The following LYPD5 variants were observed in gnomAD, a reference collection of about 807,000 sequenced individuals.
The protein encoded by LYPD5 is ly6/PLAUR domain-containing protein 5.
In LYPD5, 21 loss-of-function variants were observed where a neutral mutation model predicts 19.1. That is an observed-to-expected ratio of 1.10 (90% CI 0.78 to 1.58). LYPD5 has a LOEUF of 1.58. Among genes scored for constraint, LYPD5 ranks in the 40% most tolerant of loss-of-function variants. The probability of loss-of-function intolerance (pLI) is 0.00; values close to 1 mark genes in which losing one functional copy is unlikely to be tolerated. For missense variants in LYPD5, 287 were observed against 329.8 expected (o/e 0.87, Z 1.00); for synonymous variants, 128 against 142.7 (o/e 0.90, Z 0.74).
At chr19:43,815,798 C>T (rs1040709215) in intron 1 of LYPD5, 8 of 380,702 alleles carry the variant, frequency 2.1e-5, no homozygotes, top group Admixed American at 6.7e-5. Flanking sequence ...AGTGCAGTGG[C>T]GCGATCTCAG....
upstream of LYPD5, among the ~76,000 whole-genome samples, chr19:43,806,683 CA>C (rs749412826): frequency 2.6e-5 from 4 of 151,868 alleles, no homozygotes; most frequent in African/African-American, 9.7e-5. Context: ...CAAAACAAAA[CA>C]AAACAAACCC....
upstream of LYPD5, among the ~76,000 whole-genome samples, chr19:43,804,117 C>T (rs10401518): frequency 0.034 from 5,241 of 152,210 alleles, 112 homozygotes; most frequent in East Asian, 0.058. Context: ...GGATTACAGA[C>T]GTGAGCCACT....
chr19:43,815,691 G>T, intron 1 of LYPD5: 1 of 287,190 alleles, frequency 3.5e-6, no homozygotes, highest in Non-Finnish European at 6.7e-6. Flanking sequence ...AATCATATAT[G>T]TTATATATAA....
rs759693708 is a variant in LYPD5, at chr19:43,798,837, A to T, written c.345T>A (p.His115Gln). 6.2e-7 allele frequency: 1 copy of T among 1,610,644 alleles called. No individual in the cohort carries two copies. The highest frequency in any genetic ancestry group is 8.5e-7 in the Non-Finnish European group (1 of 1,178,670). ...TDKCNAHLMTHDALPNLSQAP... is the reference protein window; with the variant it reads ...TDKCNAHLMTQDALPNLSQAP... ...CTTGGCTCAGGTTGGGGAGGGCGTCATGAGTCATGAGGTGGGCGTTGCATT... is the reference window on the plus strand; with the variant it reads ...CTTGGCTCAGGTTGGGGAGGGCGTCTTGAGTCATGAGGTGGGCGTTGCATT... The change falls in exon 3 of 5, where the codon CAT (histidine) becomes CAA (glutamine). Residue 115 changes from histidine to glutamine, a missense_variant. Coordinates refer to ENST00000377950, the MANE Select transcript of LYPD5 (RefSeq NM_001031749.3).
chr19:43,815,319 A>G (rs1599698970), intron 1 of LYPD5, among the ~76,000 whole-genome samples: 1 of 152,138 alleles, frequency 6.6e-6, no homozygotes, highest in South Asian at 2.1e-4. Flanking sequence ...AGCCTGGGCA[A>G]TATAGTGAGA....
chr19:43,798,696 C>T (rs908889193), intron 3 of LYPD5, 95 bp from the exon 4 acceptor site: 3 of 1,583,290 alleles, frequency 1.9e-6, no homozygotes, highest in Admixed American at 1.8e-5. Context: ...TAGCACGTCT[C>T]GGGGGTTGGG....
chr19:43,799,689 C>G lies in LYPD5; in HGVS notation c.193+17G>C. The G allele has an allele frequency of 3.1e-6, 5 of 1,608,520 alleles. No individual in the cohort carries two copies. The highest frequency in any genetic ancestry group is 1.1e-5 in the South Asian group (1 of 89,600). ...TCCCTAATCTCTCATCCCTGTCCCC[C>G]GGCTCCCGCTCCTTACCGGTGTCCA... On this transcript the variant is annotated intron_variant, in intron 2 of 4. Coordinates refer to ENST00000377950, the MANE Select transcript of LYPD5 (RefSeq NM_001031749.3).
chr19:43,796,925 G>A lies in LYPD5; in HGVS notation c.*666C>T, dbSNP rs182612398. Reference sequence around the variant, plus strand: ...AGGTGAGAAAATATTGGCACAGAGAGCTCAAGTAACTCACCCACAGTCTCT... The same window carrying A: ...AGGTGAGAAAATATTGGCACAGAGAACTCAAGTAACTCACCCACAGTCTCT... On this transcript the variant is annotated 3_prime_UTR_variant, in exon 5 of 5. Coordinates refer to ENST00000377950, the MANE Select transcript of LYPD5 (RefSeq NM_001031749.3). 1.3e-5 allele frequency: 2 copies of A among 152,360 alleles called. No individual in the cohort carries two copies. 9.4% of individuals were successfully genotyped at this position (152,360 alleles called of 1,614,324 possible). A position where few individuals can be genotyped will look rare whatever the true frequency, so the allele number is the denominator to read the frequency against.
upstream of LYPD5, among the ~76,000 whole-genome samples, chr19:43,806,692 C>A (rs1055847839): frequency 7.0e-6 from 1 of 143,696 alleles, no homozygotes; most frequent in South Asian, 2.1e-4. Context: ...ACAAAACAAA[C>A]CCAACAAGCT....
chr19:43,809,452 C>T (rs1970300751), intron 1 of LYPD5, among the ~76,000 whole-genome samples: 1 of 152,106 alleles, frequency 6.6e-6, no homozygotes, highest in Non-Finnish European at 1.5e-5. Context: ...GAAATCTTGG[C>T]TCACTGCAAC....
chr19:43,813,947 C>A (rs1970348072), intron 1 of LYPD5, among the ~76,000 whole-genome samples: 1 of 152,192 alleles, frequency 6.6e-6, no homozygotes, highest in Non-Finnish European at 1.5e-5. Context: ...AACGGCCTCC[C>A]AAAGTGCTGG....
rs1298981985 is a variant in LYPD5 at position 43,796,006 on chromosome 19, T to C, written c.*1585A>G. Reference sequence around the variant, plus strand: ...GCAATCAATGCACCAGCAGATTCGATGGCTGGTGAGAACCCACTTTCTTGC... The same window carrying C: ...GCAATCAATGCACCAGCAGATTCGACGGCTGGTGAGAACCCACTTTCTTGC... On this transcript the variant is annotated 3_prime_UTR_variant, in exon 5 of 5. Transcript: ENST00000377950. 5.3e-5 allele frequency: 8 copies of C among 152,228 alleles called. No homozygotes were observed. Among genetic ancestry groups the C allele is most frequent in the African/African-American group, 1.9e-4 (8 of 41,444 alleles). 9.4% of individuals were successfully genotyped at this position (152,228 alleles called of 1,614,324 possible). A position where few individuals can be genotyped will look rare whatever the true frequency, so the allele number is the denominator to read the frequency against.
chr19:43,799,128 A>T, intron 2 of LYPD5, 140 bp from the exon 3 acceptor site: 1 of 677,830 alleles, frequency 1.5e-6, no homozygotes, highest in Non-Finnish European at 2.1e-6. Flanking sequence ...TCTCACCCCC[A>T]GACCTTTTCC....
intron 1 of LYPD5, among the ~76,000 whole-genome samples, chr19:43,813,323 G>C (rs1970342678): frequency 6.6e-6 from 1 of 151,974 alleles, no homozygotes; most frequent in Non-Finnish European, 1.5e-5. Flanking sequence ...TCTCTCTCTC[G>C]CTCTCTCTCT....
intron 1 of LYPD5, among the ~76,000 whole-genome samples, chr19:43,810,035 G>C (rs1029745127): frequency 2.6e-5 from 4 of 152,138 alleles, no homozygotes; most frequent in Non-Finnish European, 4.4e-5. Context: ...TTTTGCAACC[G>C]TCAATAGCAT....
At chr19:43,798,755 GAGGCTGCC>G in intron 3 of LYPD5, 49 bp downstream of exon 3, 1 of 1,570,806 alleles carries the variant, frequency 6.4e-7, no homozygotes, top group Middle Eastern at 1.9e-4. Context: ...CGCCTTCCCC[GAGGCTGCC>G]AGGCCTCTCA....
chr19:43,800,470 CACACAG>C (rs1407882954), intron 1 of LYPD5, among the ~76,000 whole-genome samples: 1 of 152,160 alleles, frequency 6.6e-6, no homozygotes, highest in Non-Finnish European at 1.5e-5. Context: ...CATGGAAAAT[CACACAG>C]ACACAAAGCG....
At chr19:43,817,726 T>A (rs970257892) in intron 1 of LYPD5, among the ~76,000 whole-genome samples, 39 of 151,950 alleles carry the variant, frequency 2.6e-4, no homozygotes, top group East Asian at 1.9e-3. Flanking sequence ...TATTTATTTT[T>A]TTTTTTTTTG....
intron 1 of LYPD5, among the ~76,000 whole-genome samples, chr19:43,814,096 G>A (rs1004825178): frequency 2.6e-5 from 4 of 152,170 alleles, no homozygotes; most frequent in African/African-American, 9.7e-5. Context: ...TTGCCCCTGA[G>A]CTTCCAGTCT....
Sources: allele counts gnomAD v4.1 joint callset (sites outside exome capture counted in the v4.1 genomes callset), GRCh38; gene constraint gnomAD v4.1.1; transcripts MANE v1.5; gene names NCBI Gene and HGNC (gene_info 2026-07-23, HGNC 2026-07-21).